MECOM: variants seen among roughly 807,000 people sequenced by gnomAD.
MECOM encodes the protein MDS1 and EVI1 complex locus.
MECOM carries 13 observed loss-of-function variants against 116.3 expected under a neutral mutation model. The ratio of observed to expected loss-of-function variants is 0.11; its 90% CI spans 0.07 to 0.18. The LOEUF is 0.18. MECOM is among the 10% of genes least tolerant of loss of function. The pLI is 1.00. For missense variants in MECOM, 1,299 were observed against 1,509.0 expected, an observed-to-expected ratio of 0.86 and a Z score of 2.31; for synonymous variants, 528 against 535.2, an observed-to-expected ratio of 0.99 and a Z score of 0.19.
chr3:169,193,588 C>T (rs921435505), intron 2 of MECOM, among the ~76,000 whole-genome samples: 8 of 151,556 alleles, frequency 5.3e-5, no homozygotes, highest in African/African-American at 1.5e-4. Flanking sequence ...CAAAAAATAT[C>T]TAAAAAGGAA....
chr3:169,483,573 C>G, intron 1 of MECOM: 1 of 797,518 alleles, frequency 1.3e-6, no homozygotes, highest in Non-Finnish European at 1.9e-6. Context: ...TTCCAATTTT[C>G]TGTTCAATCC....
rs138402661 is a variant in MECOM at position 169,289,889 on chromosome 3, G to A, written c.375+91298C>T. Among the ~76,000 whole-genome samples, 694 of 152,294 alleles carry A rather than the reference G, an allele frequency of 4.6e-3. 8 individuals carry two copies. Among genetic ancestry groups the A allele is most frequent in the South Asian group, 0.028 (135 of 4,822 alleles). On this transcript the variant is annotated intron_variant, in intron 2 of 16. Coordinates refer to ENST00000651503, the MANE Select transcript of MECOM (RefSeq NM_004991.4). ...CCACTAAGTGAAGTTAAACCCTGTT[G>A]AAGTCATCAGATTGAAGCATAATTT... is the stretch of plus-strand genomic sequence containing the variant.
At chr3:169,628,766 C>G (rs533442674) in intron 1 of MECOM, among the ~76,000 whole-genome samples, 1 of 152,266 alleles carries the variant, frequency 6.6e-6, no homozygotes, top group East Asian at 1.9e-4. Flanking sequence ...CAAGAAGGAG[C>G]TCAGGGGGAG....
intron 2 of MECOM, among the ~76,000 whole-genome samples, chr3:169,225,737 G>A (rs1044918093): frequency 2.6e-5 from 4 of 152,126 alleles, no homozygotes; most frequent in South Asian, 2.1e-4. Context: ...AGCCTCCTGC[G>A]TAGCTGGGAC....
rs79789342 is a variant in MECOM at position 169,434,777 on chromosome 3, T to C, written c.38-53253A>G. Among the ~76,000 whole-genome samples the C allele has an allele frequency of 1.6e-3, 247 of 152,332 alleles. 3 individuals carry two copies. Among genetic ancestry groups the C allele is most frequent in the African/African-American group, 5.1e-3 (213 of 41,590 alleles). On this transcript the variant is annotated intron_variant, in intron 1 of 16. Transcript: ENST00000651503. ...GAATTCAATAAATATAATGATAGTG[T>C]TAAATGTTTTTGTTGTTTTTTCTCT...
intron 2 of MECOM, among the ~76,000 whole-genome samples, chr3:169,154,620 ACAGTTTTT>A (rs1741668725): frequency 6.6e-6 from 1 of 152,150 alleles, no homozygotes; most frequent in Non-Finnish European, 1.5e-5. Context: ...TCCCTTGCTC[ACAGTTTTT>A]CAGTGAGTTC....
intron 2 of MECOM, among the ~76,000 whole-genome samples, chr3:169,194,702 C>A (rs1008958202): frequency 6.6e-6 from 1 of 151,988 alleles, no homozygotes; most frequent in African/African-American, 2.4e-5. Flanking sequence ...CCGCTGAAAT[C>A]ACCAGGAGTC....
chr3:169,215,215 T>C (rs573048927), intron 2 of MECOM, among the ~76,000 whole-genome samples: 12 of 147,756 alleles, frequency 8.1e-5, no homozygotes, highest in Non-Finnish European at 1.6e-4. Context: ...AGGAGACTCA[T>C]TGTCTTTTTT....
At chr3:169,170,719 A>G (rs1008097663) in intron 2 of MECOM, among the ~76,000 whole-genome samples, 3 of 152,212 alleles carry the variant, frequency 2.0e-5, no homozygotes, top group African/African-American at 7.2e-5. Flanking sequence ...TGGGAGAACT[A>G]GGTGTTCCCT....
At chr3:169,095,302 A>C in intron 12 of MECOM, 57 bp from the exon 13 acceptor site, 1 of 1,461,152 alleles carries the variant, frequency 6.8e-7, no homozygotes. Flanking sequence ...ATTTCTCAAG[A>C]CTAGTTAGCC....
In MECOM at chr3:169,099,572, C is replaced by G. The variant is rs375705627; in HGVS notation, c.2849+1313G>C. Among the ~76,000 whole-genome samples, 162 of 151,444 alleles carry G rather than the reference C, an allele frequency of 1.1e-3. 2 individuals are homozygous for G. In the South Asian group the frequency reaches 0.032, roughly 29 times the overall value. On this transcript the variant is annotated intron_variant, in intron 12 of 16. Coordinates refer to ENST00000651503, the MANE Select transcript of MECOM (RefSeq NM_004991.4). ...TCCCTCTAGCTTTCTTCTAAGATTT[C>G]AATTATCCTCAAATGACCCATTTTC... is the stretch of plus-strand genomic sequence containing the variant.
chr3:169,598,815 A>C lies in MECOM; in HGVS notation c.37+64521T>G, dbSNP rs558358418. Reference sequence around the variant, plus strand: ...GAAGGGTCTTAAGAAAACAGGAGACAAAAATGGATCCAAATGAGGCCAGAG... The same window carrying C: ...GAAGGGTCTTAAGAAAACAGGAGACCAAAATGGATCCAAATGAGGCCAGAG... On this transcript the variant is annotated intron_variant, in intron 1 of 16. Coordinates refer to ENST00000651503, the MANE Select transcript of MECOM (RefSeq NM_004991.4). Among the ~76,000 whole-genome samples the C allele has an allele frequency of 2.0e-5, 3 of 152,364 alleles. No homozygotes were observed. The South Asian group carries it at 6.2e-4, about 32-fold the overall frequency.
chr3:169,270,314 G>A (rs1293386407), intron 2 of MECOM, among the ~76,000 whole-genome samples: 6 of 151,976 alleles, frequency 3.9e-5, no homozygotes, highest in East Asian at 1.9e-4. Context: ...TCCTAAATAC[G>A]TGAAAAAATT....
At chr3:169,433,569 GAAGGAAGGAAAA>G (rs927834666) in intron 1 of MECOM, among the ~76,000 whole-genome samples, 2 of 147,028 alleles carry the variant, frequency 1.4e-5, no homozygotes, top group East Asian at 2.1e-4. Context: ...AGGAAGGAAG[GAAGGAAGGAAAA>G]AAGGAAGGAA....
intron 2 of MECOM, among the ~76,000 whole-genome samples, chr3:169,296,133 G>T (rs1032115598): frequency 1.1e-4 from 17 of 152,124 alleles, no homozygotes; most frequent in African/African-American, 4.1e-4. Flanking sequence ...TCACTTTTTT[G>T]ACCAGACCCA....
At chr3:169,119,378 A>G (rs1487270121) in intron 7 of MECOM, among the ~76,000 whole-genome samples, 1 of 152,230 alleles carries the variant, frequency 6.6e-6, no homozygotes, top group Non-Finnish European at 1.5e-5. Flanking sequence ...GAAGAATGCC[A>G]TCTGCTATTT....
chr3:169,095,846 A>T (rs1199359822), intron 12 of MECOM, among the ~76,000 whole-genome samples: 1 of 151,266 alleles, frequency 6.6e-6, no homozygotes, highest in African/African-American at 2.5e-5. Flanking sequence ...AAACTGTTAT[A>T]AAAAAAATAA....
intron 1 of MECOM, among the ~76,000 whole-genome samples, chr3:169,557,632 G>T (rs1178520650): frequency 3.3e-5 from 5 of 152,146 alleles, no homozygotes; most frequent in African/African-American, 9.7e-5. Flanking sequence ...ACTAAATAGT[G>T]CCTATTATTA....
chr3:169,115,257 A>G (rs1176095542), intron 8 of MECOM, 126 bp downstream of exon 8: 34 of 1,053,904 alleles, frequency 3.2e-5, no homozygotes, highest in Non-Finnish European at 4.3e-5. Context: ...AGTTCACTAG[A>G]TCAAACAACT....
Sources: allele counts gnomAD v4.1 joint callset (sites outside exome capture counted in the v4.1 genomes callset), GRCh38; gene constraint gnomAD v4.1.1; transcripts MANE v1.5; gene names NCBI Gene and HGNC (gene_info 2026-07-23, HGNC 2026-07-21).